TEKT4: variants seen among roughly 807,000 people sequenced by gnomAD.
TEKT4 encodes the protein tektin-4.
Under a neutral mutation model 46.0 loss-of-function variants are expected in TEKT4, and 46 were observed. That is an observed-to-expected ratio of 1.00 (90% CI 0.79 to 1.28). The LOEUF (loss-of-function observed/expected upper bound fraction) is 1.28. Ranked by LOEUF, TEKT4 falls within the 50% of genes most tolerant of loss-of-function variation. TEKT4 has a pLI of 0.00. For synonymous variants in TEKT4, 325 were observed against 265.8 expected, an observed-to-expected ratio of 1.22 and a Z score of -2.17; for missense variants, 790 against 622.9, an observed-to-expected ratio of 1.27 and a Z score of -2.85.
chr2:94,875,019 A>C (rs1573188390), intron 4 of TEKT4, 21 bp downstream of exon 4: 2 of 1,566,960 alleles, frequency 1.3e-6, no homozygotes, highest in Admixed American at 3.7e-5. Flanking sequence ...CTGAACCCCG[A>C]AGACGGCCCC....
In TEKT4 at chr2:94,876,649, C is replaced by G. The variant is rs1553396709; in HGVS notation, c.1188C>G (p.Ile396Met). 6.2e-7 allele frequency: 1 copy of G among 1,613,402 alleles called. No individual in the cohort carries two copies. Among genetic ancestry groups the G allele is most frequent in the Non-Finnish European group, 8.5e-7 (1 of 1,179,992 alleles). The change falls in exon 6 of 6, where the codon ATC becomes ATG. Residue 396 changes from isoleucine (I) to methionine (M), a missense_variant. Transcript: ENST00000295201. Reference protein sequence around the residue: ...AEQSLRNLEDIHMSLEKDIAA... With the variant: ...AEQSLRNLEDMHMSLEKDIAA... ...AGTCCCTGCGCAACCTCGAGGACAT[C>G]CACATGAGCCTGGAGAAGGACATTG...
At chr2:94,874,540 G>A (rs1281202160) in intron 3 of TEKT4, among the ~76,000 whole-genome samples, 1 of 151,624 alleles carries the variant, frequency 6.6e-6, no homozygotes, top group East Asian at 1.9e-4. Context: ...GGGGCACGAG[G>A]GGACTAAGTG....
intron 5 of TEKT4, among the ~76,000 whole-genome samples, chr2:94,876,025 T>G (rs1558609542): frequency 6.6e-6 from 1 of 152,134 alleles, no homozygotes; most frequent in Non-Finnish European, 1.5e-5. Flanking sequence ...AGGAAGCTCC[T>G]TCAGACAAGG....
In TEKT4 at chr2:94,871,828, G is replaced by A. The variant is rs112496617; in HGVS notation, c.249G>A (p.Thr83=). The A allele has an allele frequency of 5.0e-6, 8 of 1,608,146 alleles. No individual in the cohort carries two copies. In the Admixed American group the frequency reaches 1.0e-4, roughly 20 times the overall value. ...ATETQALAQR[T]QQDSTRTVGE... is the part of the protein sequence containing the mutation. ...AGACCCAGGCGCTGGCGCAGCGCAC[G>A]CAGCAAGACTCCACGCGCACAGTGG... The change falls in exon 1 of 6, where the codon ACG becomes ACA. Residue 83 remains threonine (T), a synonymous_variant. Transcript: ENST00000295201.
At chr2:94,872,831 A>G (rs1466018588) in intron 1 of TEKT4, 83 of 1,288,090 alleles carry the variant, frequency 6.4e-5, no homozygotes, top group Non-Finnish European at 8.1e-5. Context: ...TTCCCCCTGC[A>G]CTCTCTCAGT....
At position 94,874,631 on chromosome 2, in the gene TEKT4, G is replaced by A. The variant is rs1573186884; in HGVS notation, c.714-145G>A. On this transcript the variant is annotated intron_variant, in intron 3 of 5. Transcript: ENST00000295201. The stretch of plus-strand genomic sequence containing the variant: ...GGGGGCAGGGAGCCTGAGGGACTGG[G>A]CTTTGTGGGGCAGCATGGGGTGCAT... 4 of 759,888 alleles carry A rather than the reference G, an allele frequency of 5.3e-6. No homozygotes were observed. In the East Asian group the frequency reaches 1.1e-4, roughly 21 times the overall value. 47.1% of individuals were successfully genotyped at this position (759,888 alleles called of 1,614,324 possible).
chr2:94,872,126 GC>G (rs11483811), intron 1 of TEKT4, 49 bp downstream of exon 1: 112,211 of 1,184,874 alleles, frequency 0.095, 718 homozygotes, highest in South Asian at 0.12. Flanking sequence ...GAGAGGAGGA[GC>G]CCCCCCCCCC....
chr2:94,875,559 A>G, intron 4 of TEKT4, 29 bp from the exon 5 acceptor site: 2 of 1,613,432 alleles, frequency 1.2e-6, no homozygotes, highest in Non-Finnish European at 1.7e-6. Flanking sequence ...ATGGGGGCAC[A>G]GGCCCAAGGA....
intron 1 of TEKT4, chr2:94,873,127 C>T: frequency 8.2e-7 from 1 of 1,226,520 alleles, no homozygotes; most frequent in South Asian, 1.5e-5. Context: ...AGCACAGAGC[C>T]CTGAGGGGCA....
In TEKT4 at chr2:94,871,908, A is replaced by C; in HGVS notation, c.329A>C (p.Glu110Ala). Reference protein sequence around the residue: ...SWKSELQREMEALAAETNLLL... With the variant: ...SWKSELQREMAALAAETNLLL... ...AAGTCGGAGCTGCAGCGTGAGATGG[A>C]GGCGCTGGCTGCGGAGACCAACTTG... Residue 110 changes from glutamate to alanine, a missense_variant, in exon 1 of 6, where the codon GAG becomes GCG. Physicochemically the swap from Glu to Ala is moderately radical, Grantham distance 107. Transcript: ENST00000295201. 1 of 1,598,234 alleles carries C rather than the reference A, an allele frequency of 6.3e-7. No individual in the cohort carries two copies. The highest frequency in any genetic ancestry group is 8.5e-7 in the Non-Finnish European group (1 of 1,176,786).
intron 2 of TEKT4, 151 bp from the exon 3 acceptor site, chr2:94,873,814 C>T: frequency 1.6e-6 from 2 of 1,234,982 alleles, no homozygotes; most frequent in Non-Finnish European, 2.3e-6. Flanking sequence ...GGCCGCAGCT[C>T]CTGGTCACTG....
At chr2:94,872,401 C>G (rs556342326) in intron 1 of TEKT4, 1 of 457,656 alleles carries the variant, frequency 2.2e-6, no homozygotes, top group East Asian at 4.2e-5. Context: ...ACAGTTGCTC[C>G]CAAGGTGGAA....
chr2:94,871,653 C>T lies in TEKT4; in HGVS notation c.74C>T (p.Thr25Met), dbSNP rs782092277. 1.1e-5 allele frequency: 17 copies of T among 1,612,562 alleles called. No individual in the cohort carries two copies. Among genetic ancestry groups the T allele is most frequent in the East Asian group, 2.2e-5 (1 of 44,868 alleles). The change falls in exon 1 of 6, where the codon ACG (threonine) becomes ATG (methionine). Residue 25 changes from threonine (T) to methionine (M), a missense_variant. Physicochemically the swap from Thr to Met is moderately conservative, Grantham distance 81 (BLOSUM62 -1). Transcript: ENST00000295201. ...YDVARNTGAY[T>M]SSGLATASFR... ...GTGGCCCGTAACACGGGCGCCTACA[C>T]GTCCTCCGGCCTGGCCACCGCCAGC...
chr2:94,872,777 C>T (rs1553395033), intron 1 of TEKT4: 2 of 1,277,926 alleles, frequency 1.6e-6, no homozygotes, highest in East Asian at 5.6e-5. Flanking sequence ...TCCCTCCCTC[C>T]CCTCATGCCT....
In TEKT4 at chr2:94,874,784, C is replaced by G. The variant is rs782749990; in HGVS notation, c.722C>G (p.Thr241Ser). 3.8e-6 allele frequency: 6 copies of G among 1,580,050 alleles called. No individual in the cohort carries two copies. Among genetic ancestry groups the G allele is most frequent in the Admixed American group, 1.8e-5 (1 of 56,042 alleles). The change falls in exon 4 of 6, where the codon ACC becomes AGC. Residue 241 changes from threonine to serine, a missense_variant. Coordinates refer to ENST00000295201, the MANE Select transcript of TEKT4 (RefSeq NM_144705.4). The stretch of plus-strand genomic sequence containing the variant: ...TGTCCCCCGCCCCGCAGCGCCTCCA[C>G]CCCGGAGACCCGGGCCAAGTTCACG... Reference protein sequence around the residue: ...YSTTFQESASTPETRAKFTQD... With the variant: ...YSTTFQESASSPETRAKFTQD...
At chr2:94,872,926 G>C in intron 1 of TEKT4, 1 of 1,289,456 alleles carries the variant, frequency 7.8e-7, no homozygotes, top group Non-Finnish European at 1.0e-6. Flanking sequence ...ACAGTGCACG[G>C]AGAGGCAAAC....
intron 4 of TEKT4, 168 bp from the exon 5 acceptor site, chr2:94,875,420 C>A: frequency 2.1e-6 from 1 of 481,300 alleles, no homozygotes; most frequent in Non-Finnish European, 2.7e-6. Context: ...CCAGAGCCCA[C>A]TGGGGGCCCC....
chr2:94,873,076 A>G (rs1680651547), intron 1 of TEKT4: 4 of 1,266,176 alleles, frequency 3.2e-6, no homozygotes, highest in Non-Finnish European at 4.1e-6. Flanking sequence ...GAAGAAACAC[A>G]GGGTCCTTCT....
intron 1 of TEKT4, chr2:94,872,307 T>A: frequency 5.0e-6 from 3 of 594,666 alleles, no homozygotes; most frequent in Admixed American, 3.1e-5. Context: ...CTCTAATCCC[T>A]TTGAGTCCTG....
Sources: allele counts gnomAD v4.1 joint callset (sites outside exome capture counted in the v4.1 genomes callset), GRCh38; gene constraint gnomAD v4.1.1; transcripts MANE v1.5; gene names NCBI Gene and HGNC (gene_info 2026-07-23, HGNC 2026-07-21).